Variants in CCDC15 observed in about 807,000 individuals in gnomAD.
CCDC15 encodes the protein coiled-coil domain containing 15, also known as coiled-coil domain-containing protein 15.
A neutral mutation model predicts 114.5 loss-of-function variants in CCDC15; 105 were observed. The ratio of observed to expected loss-of-function variants is 0.92; its 90% confidence interval spans 0.78 to 1.08. The LOEUF is 1.08. Ranked by LOEUF, CCDC15 falls within the 50% of genes least tolerant of loss-of-function variation. CCDC15 has a pLI of 0.00. For synonymous variants in CCDC15, 334 were observed against 377.8 expected (o/e 0.88, Z 1.34); for missense variants, 1,105 against 1,093.6 (o/e 1.01, Z -0.15).
At chr11:125,005,986 T>C (rs142410246) in intron 13 of CCDC15, among the ~76,000 whole-genome samples, 406 of 152,336 alleles carry the variant, frequency 2.7e-3, no homozygotes, top group Non-Finnish European at 3.9e-3. Context: ...TATTATTTGC[T>C]GCCAATATTT....
intron 13 of CCDC15, among the ~76,000 whole-genome samples, chr11:125,007,640 T>C (rs943371032): frequency 1.3e-5 from 2 of 152,224 alleles, no homozygotes; most frequent in Non-Finnish European, 2.9e-5. Context: ...TTTAGGTTTT[T>C]TTTTTAGAAA....
At chr11:124,976,050 T>A (rs1164890402) in intron 5 of CCDC15, among the ~76,000 whole-genome samples, 1 of 151,922 alleles carries the variant, frequency 6.6e-6, no homozygotes, top group African/African-American at 2.4e-5. Flanking sequence ...TAATGTTTTA[T>A]AGGCAGCATC....
intron 10 of CCDC15, 34 bp from the exon 11 acceptor site, chr11:124,993,135 A>T: frequency 7.3e-7 from 1 of 1,364,430 alleles, no homozygotes; most frequent in Non-Finnish European, 1.0e-6. Flanking sequence ...ATTTCTGCTT[A>T]GACAATCAGT....
chr11:124,977,653 C>T, intron 6 of CCDC15, 53 bp downstream of exon 6: 1 of 1,542,858 alleles, frequency 6.5e-7, no homozygotes, highest in South Asian at 1.2e-5. Flanking sequence ...TAGAAGTATC[C>T]ACAGCTAACT....
chr11:125,001,529 C>T (rs997907539), intron 11 of CCDC15, among the ~76,000 whole-genome samples: 1 of 152,150 alleles, frequency 6.6e-6, no homozygotes, highest in Admixed American at 6.5e-5. Flanking sequence ...TCATCACCCC[C>T]CAAAAGTCCT....
chr11:125,001,870 GT>G (rs570763590), intron 11 of CCDC15, among the ~76,000 whole-genome samples: 4 of 148,780 alleles, frequency 2.7e-5, no homozygotes, highest in Admixed American at 6.7e-5. Flanking sequence ...TTGTGTACAA[GT>G]TTTTTTTTTG....
At position 125,039,036 on chromosome 11, in the gene CCDC15, G is replaced by T; in HGVS notation, c.2701G>T (p.Ala901Ser). The T allele has an allele frequency of 6.2e-7, 1 of 1,605,066 alleles. No individual in the cohort carries two copies. The highest frequency in any genetic ancestry group is 8.5e-7 in the Non-Finnish European group (1 of 1,174,106). The change falls in exon 15 of 16, where the codon GCC becomes TCC. Residue 901 changes from alanine to serine, a missense_variant. Transcript: ENST00000344762. ...TTGGGATGCTCATCCTGATACCTGT[G>T]CCAACAACTGTATTTTCTATAAAAA... The part of the protein sequence containing the change: ...DFWDAHPDTC[A>S]NNCIFYKNHR...
At position 124,987,871 on chromosome 11, in the gene CCDC15, A is replaced by C; in HGVS notation, c.1645A>C (p.Lys549Gln). 1 of 1,614,036 alleles carries C rather than the reference A, an allele frequency of 6.2e-7. No homozygotes were observed. Among genetic ancestry groups the C allele is most frequent in the Non-Finnish European group, 8.5e-7 (1 of 1,179,884 alleles). The change falls in exon 8 of 16, where the codon AAA becomes CAA. Residue 549 changes from lysine (K) to glutamine (Q), a missense_variant. By Grantham distance (53) the Lys-to-Gln change is moderately conservative. Transcript: ENST00000344762. ...FLSRDQHVLP[K>Q]DWNILPKCQD... ...ATCTAGAGACCAGCATGTTCTCCCC[A>C]AAGACTGGAATATTCTACCCAAATG...
chr11:125,023,518 C>T (rs1458628818), intron 13 of CCDC15, among the ~76,000 whole-genome samples: 2 of 151,914 alleles, frequency 1.3e-5, no homozygotes, highest in African/African-American at 2.4e-5. Context: ...GGAAAATATA[C>T]AAGTGGCTAA....
At chr11:124,998,730 G>C (rs1395704473) in intron 11 of CCDC15, among the ~76,000 whole-genome samples, 1 of 146,744 alleles carries the variant, frequency 6.8e-6, no homozygotes, top group Non-Finnish European at 1.5e-5. Context: ...ACTTGAGAGA[G>C]TCTCTACTTT....
In CCDC15 at chr11:125,018,548, T is replaced by C. The variant is rs76732225; in HGVS notation, c.2411+13336T>C. Among the ~76,000 whole-genome samples the C allele has an allele frequency of 5.9e-4, 90 of 152,168 alleles. 1 individual carries two copies. In the East Asian group the frequency reaches 0.014, roughly 23 times the overall value. On this transcript the variant is annotated intron_variant, in intron 13 of 15. Transcript: ENST00000344762. ...ACGTGGTTAAGAACATGGGGAGATA[T>C]GTTTCCAAGTCCCAGCTCTGCTACC...
chr11:125,020,518 A>G (rs568570462), intron 13 of CCDC15, among the ~76,000 whole-genome samples: 1 of 152,062 alleles, frequency 6.6e-6, no homozygotes, highest in South Asian at 2.1e-4. Context: ...AAATATTGAC[A>G]TTTTTTAGTT....
chr11:125,034,720 C>T (rs548016061), intron 13 of CCDC15, among the ~76,000 whole-genome samples: 3 of 152,052 alleles, frequency 2.0e-5, no homozygotes, highest in East Asian at 1.9e-4. Context: ...CTAAACAGTT[C>T]GTGCCAGGGA....
At chr11:125,019,740 G>A (rs985901284) in intron 13 of CCDC15, among the ~76,000 whole-genome samples, 6 of 151,940 alleles carry the variant, frequency 3.9e-5, no homozygotes, top group Non-Finnish European at 7.4e-5. Context: ...TAGAGGTGAC[G>A]AGAATAAGTT....
At chr11:125,006,928 C>T (rs1948556976) in intron 13 of CCDC15, among the ~76,000 whole-genome samples, 1 of 152,040 alleles carries the variant, frequency 6.6e-6, no homozygotes, top group African/African-American at 2.4e-5. Flanking sequence ...ATTATTGTAG[C>T]TTTACTTACA....
At chr11:125,025,059 TATATATGA>T (rs1165456797) in intron 13 of CCDC15, among the ~76,000 whole-genome samples, 6 of 105,252 alleles carry the variant, frequency 5.7e-5, no homozygotes, top group South Asian at 2.6e-4. Context: ...TATATGAATA[TATATATGA>T]ATATATGAAT....
At chr11:125,010,548 A>G (rs1948582898) in intron 13 of CCDC15, among the ~76,000 whole-genome samples, 1 of 151,910 alleles carries the variant, frequency 6.6e-6, no homozygotes. Context: ...TTTAGTAGAG[A>G]CAGGGTTTCA....
At chr11:125,027,248 G>A (rs1201146452) in intron 13 of CCDC15, among the ~76,000 whole-genome samples, 1 of 152,082 alleles carries the variant, frequency 6.6e-6, no homozygotes, top group Non-Finnish European at 1.5e-5. Context: ...CCTTTGAGTA[G>A]GTACCCAGTA....
At chr11:125,001,173 A>G (rs1948474888) in intron 11 of CCDC15, among the ~76,000 whole-genome samples, 1 of 152,218 alleles carries the variant, frequency 6.6e-6, no homozygotes, top group African/African-American at 2.4e-5. Flanking sequence ...TTGGCACCAA[A>G]TAGACTGCAA....
Sources: allele counts gnomAD v4.1 joint callset (sites outside exome capture counted in the v4.1 genomes callset), GRCh38; gene constraint gnomAD v4.1.1; transcripts MANE v1.5; gene names NCBI Gene and HGNC (gene_info 2026-07-23, HGNC 2026-07-21).